The following SDAD1 variants were observed in gnomAD, a reference collection of about 807,000 sequenced individuals.
The protein encoded by SDAD1 is protein SDA1 homolog.
In SDAD1, 79 loss-of-function variants were observed where a neutral mutation model predicts 100.3. The observed-to-expected ratio is 0.79, with a 90% CI of 0.66 to 0.95. SDAD1 has a LOEUF of 0.95. SDAD1 is among the 40% of genes least tolerant of loss of function. The pLI, the probability that SDAD1 is intolerant of heterozygous loss-of-function variation, is 0.00. For synonymous variants in SDAD1, 267 were observed against 271.4 expected, an observed-to-expected ratio of 0.98 and a Z score of 0.16; for missense variants, 790 against 810.9, an observed-to-expected ratio of 0.97 and a Z score of 0.31.
At position 75,978,982 on chromosome 4, in the gene SDAD1, GAA is replaced by G. The variant is rs538009004; in HGVS notation, c.295-1228_295-1227del. ...CAGCTGAGTGACAGACCCTGTCTCAGAAAAAAAAAAAAAAAAAAAAAAAAAAA... is the reference window on the plus strand; with the variant it reads ...CAGCTGAGTGACAGACCCTGTCTCAGAAAAAAAAAAAAAAAAAAAAAAAAA... On this transcript the variant is annotated intron_variant, in intron 3 of 21. Transcript: ENST00000356260. Among the ~76,000 whole-genome samples, 25 of 38,064 alleles carry G rather than the reference GAA, an allele frequency of 6.6e-4. No homozygotes were observed. In the East Asian group the frequency reaches 6.7e-3, roughly 10 times the overall value. 25.0% of individuals were successfully genotyped at this position (38,064 alleles called of 152,430 possible).
intron 9 of SDAD1, 78 bp downstream of exon 9, chr4:75,971,279 T>C (rs1257704181): frequency 2.1e-6 from 2 of 973,366 alleles, no homozygotes; most frequent in Non-Finnish European, 3.2e-6. Context: ...TGATTTTAAA[T>C]TCTTAAAAGC....
Position 75,953,316 on chromosome 4 carries a change from T to TG in SDAD1, c.2017-2520dup, listed in dbSNP as rs147807325. On this transcript the variant is annotated intron_variant, in intron 21 of 21. Transcript: ENST00000356260. ...TGCTAAAAAACAAAGGAAGTAGGGG[T>TG]GGGGGGAGCCCTAACTAAAATATAA... Among the ~76,000 whole-genome samples the TG allele has an allele frequency of 1.7e-3, 256 of 152,010 alleles. 1 individual carries two copies. Among genetic ancestry groups the TG allele is most frequent in the African/African-American group, 5.7e-3 (237 of 41,472 alleles).
Position 75,990,939 on chromosome 4 carries a change from C to T in SDAD1, c.-98G>A. On this transcript the variant is annotated 5_prime_UTR_variant, in exon 1 of 22. Transcript: ENST00000356260. ...CAGCTGCAGCTTGGACTCGTGTTTC[C>T]GGGTATGACCGGAAATAGCGCATGG... is the stretch of plus-strand genomic sequence containing the variant. 2 of 1,423,984 alleles carry T rather than the reference C, an allele frequency of 1.4e-6. No homozygotes were observed. Among genetic ancestry groups the T allele is most frequent in the Non-Finnish European group, 2.0e-6 (2 of 1,022,226 alleles). The allele number at this position is 1,423,984 out of a possible 1,614,324, so 88.2% of individuals were successfully genotyped here. A position where few individuals can be genotyped will look rare whatever the true frequency, so the allele number is the denominator to read the frequency against.
Position 75,975,958 on chromosome 4 carries a change from A to G in SDAD1, c.443T>C (p.Ile148Thr), listed in dbSNP as rs754192160. The G allele has an allele frequency of 1.9e-6, 3 of 1,603,570 alleles. No homozygotes were observed. Among genetic ancestry groups the G allele is most frequent in the Admixed American group, 3.3e-5 (2 of 59,980 alleles). The change falls in exon 5 of 22, where the codon ATA becomes ACA. Residue 148 changes from isoleucine (I) to threonine (T), a missense_variant. Transcript: ENST00000356260. ...YTHIVTDIKN[I>T]NAKHKNNKVN... Reference sequence around the variant, plus strand: ...TTTATTGTTCTTGTGTTTTGCATTTATATTCTTGATATCAGTCACAATATG... The same window carrying G: ...TTTATTGTTCTTGTGTTTTGCATTTGTATTCTTGATATCAGTCACAATATG...
intron 1 of SDAD1, among the ~76,000 whole-genome samples, chr4:75,988,179 T>G (rs1731014776): frequency 1.3e-5 from 2 of 152,178 alleles, no homozygotes; most frequent in Admixed American, 1.3e-4. Flanking sequence ...CTACATACAG[T>G]CTATCCTCAA....
Position 75,975,965 on chromosome 4 carries a change from T to C in SDAD1, c.436A>G (p.Lys146Glu). The C allele has an allele frequency of 4.4e-6, 7 of 1,603,382 alleles. No individual in the cohort carries two copies. Among genetic ancestry groups the C allele is most frequent in the Non-Finnish European group, 6.0e-6 (7 of 1,170,376 alleles). ...TLYTHIVTDI[K>E]NINAKHKNNK... ...TTCTTGTGTTTTGCATTTATATTCT[T>C]GATATCAGTCACAATATGTGTGTAT... Residue 146 changes from lysine to glutamate, a missense_variant, in exon 5 of 22, where the codon AAG (lysine) becomes GAG (glutamate). Physicochemically the swap from Lys to Glu is moderately conservative, Grantham distance 56. Coordinates refer to ENST00000356260, the MANE Select transcript of SDAD1 (RefSeq NM_018115.4).
At position 75,971,472 on chromosome 4, in the gene SDAD1, T is replaced by G. The variant is rs752537350; in HGVS notation, c.712-14A>C. On this transcript the variant is annotated splice_polypyrimidine_tract_variant and intron_variant, in intron 8 of 21. Coordinates refer to ENST00000356260, the MANE Select transcript of SDAD1 (RefSeq NM_018115.4). ...TGGTCCATCATCCTAAAGAAGAAAT[T>G]ACTTTGTAAAATTGTAAACAAGGAA... 1 of 1,579,660 alleles carries G rather than the reference T, an allele frequency of 6.3e-7. No individual in the cohort carries two copies. The highest frequency in any genetic ancestry group is 8.7e-7 in the Non-Finnish European group (1 of 1,151,014).
intron 4 of SDAD1, 61 bp from the exon 5 acceptor site, chr4:75,976,056 A>C (rs1424700235): frequency 9.3e-6 from 10 of 1,080,848 alleles, no homozygotes; most frequent in Non-Finnish European, 1.4e-5. Context: ...ACCTTGCTAA[A>C]TTTGGAGAAC....
intron 3 of SDAD1, among the ~76,000 whole-genome samples, chr4:75,979,125 G>T (rs1298021800): frequency 6.6e-6 from 1 of 151,150 alleles, no homozygotes; most frequent in East Asian, 1.9e-4. Flanking sequence ...TACATAAAAA[G>T]GTAGTTATAA....
chr4:75,954,208 C>T (rs1479684093), intron 21 of SDAD1, among the ~76,000 whole-genome samples: 3 of 151,886 alleles, frequency 2.0e-5, no homozygotes, highest in Non-Finnish European at 4.4e-5. Context: ...GGTGAAACTC[C>T]GTCTCTACTA....
chr4:75,966,282 ACAC>A (rs1729537226), intron 12 of SDAD1, among the ~76,000 whole-genome samples: 1 of 146,692 alleles, frequency 6.8e-6, no homozygotes, highest in Admixed American at 6.7e-5. Context: ...ACACACACAC[ACAC>A]ACACACACAC....
intron 21 of SDAD1, among the ~76,000 whole-genome samples, chr4:75,953,467 T>C (rs948474123): frequency 6.6e-6 from 1 of 152,244 alleles, no homozygotes; most frequent in African/African-American, 2.4e-5. Flanking sequence ...AATCCTATTA[T>C]AATTTTAGGA....
intron 20 of SDAD1, among the ~76,000 whole-genome samples, chr4:75,956,412 T>G (rs1728898553): frequency 6.6e-6 from 1 of 151,138 alleles, no homozygotes; most frequent in African/African-American, 2.4e-5. Flanking sequence ...TTTTTGTTTT[T>G]TTTTTTTTTG....
chr4:75,960,037 C>A, intron 17 of SDAD1, 29 bp downstream of exon 17: 1 of 1,595,094 alleles, frequency 6.3e-7, no homozygotes, highest in Non-Finnish European at 8.5e-7. Context: ...GAGTGTTTTG[C>A]CCAAAATAAG....
At chr4:75,979,665 G>C (rs1178304325) in intron 3 of SDAD1, among the ~76,000 whole-genome samples, 1 of 152,002 alleles carries the variant, frequency 6.6e-6, no homozygotes, top group African/African-American at 2.4e-5. Flanking sequence ...ATGTAGGTCA[G>C]GCTGGTCTCG....
At chr4:75,970,913 CTG>C (rs1374343137) in intron 9 of SDAD1, among the ~76,000 whole-genome samples, 2 of 152,218 alleles carry the variant, frequency 1.3e-5, no homozygotes, top group Non-Finnish European at 1.5e-5. Flanking sequence ...CCATGCAGAA[CTG>C]TGTGTCAATG....
At chr4:75,970,404 C>T (rs564383808) in intron 9 of SDAD1, 26 bp from the exon 10 acceptor site, 76 of 1,558,290 alleles carry the variant, frequency 4.9e-5, no homozygotes, top group Admixed American at 1.0e-4. Flanking sequence ...AAAACATTTT[C>T]AGTCTGAGTT....
intron 8 of SDAD1, 82 bp from the exon 9 acceptor site, chr4:75,971,540 C>T (rs1043203219): frequency 7.2e-6 from 7 of 965,910 alleles, no homozygotes; most frequent in Non-Finnish European, 9.8e-6. Context: ...GCCACTTCTT[C>T]GTTCTTATAC....
chr4:75,990,392 G>A (rs911199003), intron 1 of SDAD1, among the ~76,000 whole-genome samples: 4 of 151,764 alleles, frequency 2.6e-5, no homozygotes, highest in African/African-American at 9.7e-5. Context: ...ATTCAAGTTT[G>A]GGATTTCTGA....
Sources: allele counts gnomAD v4.1 joint callset (sites outside exome capture counted in the v4.1 genomes callset), GRCh38; gene constraint gnomAD v4.1.1; transcripts MANE v1.5; gene names NCBI Gene and HGNC (gene_info 2026-07-23, HGNC 2026-07-21).